ARHGEF4: variants seen among roughly 807,000 people sequenced by gnomAD.
ARHGEF4 encodes APC-stimulated guanine nucleotide exchange factor 1.
A neutral mutation model predicts 162.0 loss-of-function variants in ARHGEF4; 119 were observed. The observed-to-expected ratio is 0.73, with a 90% CI of 0.63 to 0.86. ARHGEF4 has a LOEUF of 0.86. Among genes scored for constraint, ARHGEF4 ranks in the 40% least tolerant of loss-of-function variants. The probability of loss-of-function intolerance (pLI) is 0.00; values close to 1 mark genes in which losing one functional copy is unlikely to be tolerated. For synonymous variants in ARHGEF4, 1,014 were observed against 979.9 expected (o/e 1.03, Z -0.65); for missense variants, 2,488 against 2,456.0 (o/e 1.01, Z -0.28).
intron 4 of ARHGEF4, among the ~76,000 whole-genome samples, chr2:131,027,413 G>T (rs1349098703): frequency 6.6e-6 from 1 of 152,212 alleles, no homozygotes; most frequent in East Asian, 1.9e-4. Flanking sequence ...AGGGAGATGG[G>T]AATGGGACTG....
chr2:131,032,756 G>C (rs528270885), intron 5 of ARHGEF4, among the ~76,000 whole-genome samples: 115 of 151,778 alleles, frequency 7.6e-4, no homozygotes, highest in African/African-American at 2.7e-3. Context: ...GCCTAGTTGG[G>C]CCACTCCCCT....
At chr2:130,986,524 C>G in intron 4 of ARHGEF4, among the ~76,000 whole-genome samples, 1 of 152,198 alleles carries the variant, frequency 6.6e-6, no homozygotes, top group Admixed American at 6.5e-5. Context: ...CTGGGGCCTT[C>G]AGCAGGGAAG....
chr2:130,881,391 G>A (rs1559017308), intron 1 of ARHGEF4, among the ~76,000 whole-genome samples: 1 of 152,174 alleles, frequency 6.6e-6, no homozygotes. Context: ...AAATTGCCAA[G>A]GTTTAGGGTA....
chr2:130,881,742 T>C (rs1679201497), intron 1 of ARHGEF4, among the ~76,000 whole-genome samples: 1 of 152,192 alleles, frequency 6.6e-6, no homozygotes, highest in Non-Finnish European at 1.5e-5. Flanking sequence ...GGGCGGCCCT[T>C]GCGTGGGCGA....
chr2:130,955,261 T>C (rs563346927), intron 4 of ARHGEF4, among the ~76,000 whole-genome samples: 7 of 152,342 alleles, frequency 4.6e-5, no homozygotes, highest in South Asian at 4.1e-4. Flanking sequence ...TTGATAAATC[T>C]GATATGTAGT....
At position 130,908,302 on chromosome 2, in the gene ARHGEF4, G is replaced by T. The variant is rs150289560; in HGVS notation, c.40-5684G>T. 1.2e-4 allele frequency among the ~76,000 whole-genome samples: 19 copies of T among 152,300 alleles called. No homozygotes were observed. The East Asian group carries it at 3.5e-3, about 28-fold the overall frequency. On this transcript the variant is annotated intron_variant, in intron 1 of 13. Transcript: ENST00000409359. ...CTACTGGTTTTTCTACATTGATTTT[G>T]CATCCTGAAACTTTGCTGAAGTTGT...
intron 10 of ARHGEF4, 96 bp downstream of exon 10, chr2:131,042,040 G>C (rs1301009763): frequency 2.0e-6 from 3 of 1,477,950 alleles, no homozygotes; most frequent in Non-Finnish European, 2.7e-6. Context: ...AGCTGAAGCA[G>C]GGAGCTGCGC....
chr2:131,039,747 C>T, intron 6 of ARHGEF4: 3 of 1,359,952 alleles, frequency 2.2e-6, no homozygotes, highest in Non-Finnish European at 2.8e-6. Context: ...AGCGCTCCAG[C>T]CTCTGTGCCG....
rs916779283 is a variant in ARHGEF4, at chr2:130,915,403, G to A, written c.1457G>A (p.Arg486Lys). 2 of 1,550,484 alleles carry A rather than the reference G, an allele frequency of 1.3e-6. No homozygotes were observed. The highest frequency in any genetic ancestry group is 1.7e-4 in the Middle Eastern group (1 of 6,014). Reference sequence around the variant, plus strand: ...CTCGCACCAAGAGCTGCTGATGAGAGAGAGACACAGAAGCACCTCTGGGGC... The same window carrying A: ...CTCGCACCAAGAGCTGCTGATGAGAAAGAGACACAGAAGCACCTCTGGGGC... ...TQLAPRAADERETQKHLWGIS... is the reference protein window; with the variant it reads ...TQLAPRAADEKETQKHLWGIS... The change falls in exon 2 of 14, where the codon AGA (arginine) becomes AAA (lysine). Residue 486 changes from arginine to lysine, a missense_variant. Physicochemically the swap from Arg to Lys is conservative, Grantham distance 26. This residue lies in a region of ARHGEF4 where 1,642 missense variants were observed against 1,481.5 expected (regional missense o/e 1.11). Transcript: ENST00000409359.
At position 130,915,541 on chromosome 2, in the gene ARHGEF4, G is replaced by A; in HGVS notation, c.1595G>A (p.Gly532Glu). Reference sequence around the variant, plus strand: ...TTCCCACGGCAGCCTAGCAGTGAGGGGACCCAGGTGTGGAGTGGAGACTTG... The same window carrying A: ...TTCCCACGGCAGCCTAGCAGTGAGGAGACCCAGGTGTGGAGTGGAGACTTG... ...AKFPRQPSSEGTQVWSGDLMG... is the reference protein window; with the variant it reads ...AKFPRQPSSEETQVWSGDLMG... The change falls in exon 2 of 14, where the codon GGG becomes GAG. Residue 532 changes from glycine (G) to glutamate (E), a missense_variant. Around this residue, in one of 6 missense-constraint regions of ARHGEF4, gnomAD observed 1,642 missense variants for 1,481.5 expected, o/e 1.11. Coordinates refer to ENST00000409359, the MANE Select transcript of ARHGEF4 (RefSeq NM_001367493.1). 2 of 1,550,554 alleles carry A rather than the reference G, an allele frequency of 1.3e-6. No individual in the cohort carries two copies. The highest frequency in any genetic ancestry group is 8.7e-7 in the Non-Finnish European group (1 of 1,146,986).
Position 130,917,334 on chromosome 2 carries a change from T to G in ARHGEF4, c.3388T>G (p.Ser1130Ala). Residue 1130 changes from serine to alanine, a missense_variant, in exon 2 of 14, where the codon TCA (serine) becomes GCA (alanine). By Grantham distance (99) the Ser-to-Ala change is moderately conservative. Transcript: ENST00000409359. The part of the protein sequence containing the change: ...LGSYSYVDSS[S>A]GDPERPKIPK... The stretch of plus-strand genomic sequence containing the variant: ...AAGCTACAGCTACGTGGACAGCAGT[T>G]CAGGGGACCCTGAAAGACCCAAGAT... The G allele has an allele frequency of 6.4e-7, 1 of 1,550,548 alleles. No individual in the cohort carries two copies. Among genetic ancestry groups the G allele is most frequent in the Non-Finnish European group, 8.7e-7 (1 of 1,146,986 alleles).
chr2:130,914,972 G>T lies in ARHGEF4; in HGVS notation c.1026G>T (p.Gly342=). ...TGGTCAGGGCCCATTCCATAGCAGGGTTTTCACCAGAGTGCCCCGAGGATC... is the reference window on the plus strand; with the variant it reads ...TGGTCAGGGCCCATTCCATAGCAGGTTTTTCACCAGAGTGCCCCGAGGATC... The part of the protein sequence containing the change: ...RALVRAHSIA[G]FSPECPEDPV... The change falls in exon 2 of 14, where the codon GGG becomes GGT. Residue 342 remains glycine (G), a synonymous_variant. Transcript: ENST00000409359. The T allele has an allele frequency of 6.4e-7, 1 of 1,550,470 alleles. No individual in the cohort carries two copies. Among genetic ancestry groups the T allele is most frequent in the Non-Finnish European group, 8.7e-7 (1 of 1,146,942 alleles).
Position 130,917,401 on chromosome 2 carries a change from T to A in ARHGEF4, c.3455T>A (p.Leu1152Gln). Residue 1152 changes from leucine (L) to glutamine (Q), a missense_variant, in exon 2 of 14, where the codon CTA becomes CAA. Transcript: ENST00000409359. The part of the protein sequence containing the change: ...QTSFLLSLQT[L>Q]NQDEQKEESR... ...AGTTTCCTGCTTTCTCTGCAGACGC[T>A]AAACCAAGATGAGCAGAAGGAAGAG... The A allele has an allele frequency of 6.4e-7, 1 of 1,550,598 alleles. No homozygotes were observed. The highest frequency in any genetic ancestry group is 8.7e-7 in the Non-Finnish European group (1 of 1,147,002).
At chr2:131,044,233 T>G (rs1573715021) in intron 11 of ARHGEF4, 66 bp from the exon 12 acceptor site, 1 of 1,577,074 alleles carries the variant, frequency 6.3e-7, no homozygotes, top group South Asian at 1.2e-5. Context: ...GGAGAGGAGG[T>G]GGGAGCAGCC....
At chr2:130,883,299 G>C (rs890767246) in intron 1 of ARHGEF4, among the ~76,000 whole-genome samples, 1 of 152,048 alleles carries the variant, frequency 6.6e-6, no homozygotes, top group Non-Finnish European at 1.5e-5. Flanking sequence ...TGCTGAGACC[G>C]AGTGTGCTGG....
intron 4 of ARHGEF4, among the ~76,000 whole-genome samples, chr2:130,962,963 T>C (rs549067967): frequency 6.6e-6 from 1 of 152,258 alleles, no homozygotes; most frequent in Admixed American, 6.5e-5. Flanking sequence ...ACTTGTCACC[T>C]TGTGTGGAGC....
rs369913458 is a variant in ARHGEF4 at position 130,969,740 on chromosome 2, A to G, written c.3985+23105A>G. ...AGACACATGCAGGTAACTACCCACC[A>G]TAATAAAAATATAGAAGAGTTTTAT... On this transcript the variant is annotated intron_variant, in intron 4 of 13. Transcript: ENST00000409359. Among the ~76,000 whole-genome samples, 5 of 152,194 alleles carry G rather than the reference A, an allele frequency of 3.3e-5. No individual in the cohort carries two copies. The East Asian group carries it at 7.7e-4, about 23-fold the overall frequency.
At chr2:130,848,574 A>G (rs1323745409) in intron 1 of ARHGEF4, among the ~76,000 whole-genome samples, 1 of 152,184 alleles carries the variant, frequency 6.6e-6, no homozygotes, top group Non-Finnish European at 1.5e-5. Context: ...CCCAGGGACC[A>G]GTGGACGGCA....
chr2:131,043,553 C>T lies in ARHGEF4; in HGVS notation c.5127C>T (p.Leu1709=). 6.2e-7 allele frequency: 1 copy of T among 1,614,116 alleles called. No individual in the cohort carries two copies. The highest frequency in any genetic ancestry group is 8.5e-7 in the Non-Finnish European group (1 of 1,180,022). Residue 1709 remains leucine (L), a synonymous_variant, in exon 11 of 14, where the codon CTC becomes CTT. Coordinates refer to ENST00000409359, the MANE Select transcript of ARHGEF4 (RefSeq NM_001367493.1). ...QAKSQQRMFF[L]FDHQLIYCKK... is the part of the protein sequence containing the mutation. The stretch of plus-strand genomic sequence containing the variant: ...AAAGCCAGCAGCGAATGTTCTTTCT[C>T]TTTGACCACCAGCTCATCTACTGTA...
Sources: gnomAD v4.1 joint callset for allele counts (sites outside exome capture counted in the v4.1 genomes callset) on GRCh38, gnomAD v4.1.1 for gene constraint, gnomAD v4.1.1 regional missense constraint, MANE v1.5 for transcripts, NCBI Gene and HGNC (gene_info 2026-07-23, HGNC 2026-07-21) for gene names.